The following PAPPA2 variants were observed in gnomAD, a reference collection of about 807,000 sequenced individuals.
PAPPA2 encodes pappalysin-2.
Under a neutral mutation model 176.4 loss-of-function variants are expected in PAPPA2, and 86 were observed. The observed-to-expected ratio is 0.49, with a 90% CI of 0.41 to 0.58. The LOEUF (loss-of-function observed/expected upper bound fraction) is 0.58. PAPPA2 is among the 20% of genes least tolerant of loss of function. The probability of loss-of-function intolerance (pLI) is 0.00; values close to 1 mark genes in which losing one functional copy is unlikely to be tolerated. For missense variants in PAPPA2, 2,073 were observed against 2,256.9 expected (o/e 0.92, Z 1.65); for synonymous variants, 809 against 852.2 (o/e 0.95, Z 0.88).
rs537219226 is a variant in PAPPA2 at position 176,670,278 on chromosome 1, A to G, written c.1992-692A>G. Among the ~76,000 whole-genome samples, 7 of 152,322 alleles carry G rather than the reference A, an allele frequency of 4.6e-5. No homozygotes were observed. The South Asian group carries it at 8.3e-4, about 18-fold the overall frequency. On this transcript the variant is annotated intron_variant, in intron 3 of 22. Coordinates refer to ENST00000367662, the MANE Select transcript of PAPPA2 (RefSeq NM_020318.3). The stretch of plus-strand genomic sequence containing the variant: ...AATAGACCTTTAATTCTGTGCATCA[A>G]TGCAAACATAATATTTCCTAGTGCT...
intron 12 of PAPPA2, among the ~76,000 whole-genome samples, chr1:176,735,724 CTAT>C (rs1662376768): frequency 6.9e-6 from 1 of 145,982 alleles, no homozygotes; most frequent in African/African-American, 2.6e-5. Context: ...ATCTATCTAT[CTAT>C]CTATCTATCT....
Position 176,594,535 on chromosome 1 carries a change from A to G in PAPPA2, c.931A>G (p.Asn311Asp). 6.2e-7 allele frequency: 1 copy of G among 1,613,386 alleles called. No homozygotes were observed. The highest frequency in any genetic ancestry group is 8.5e-7 in the Non-Finnish European group (1 of 1,179,628). The change falls in exon 3 of 23, where the codon AAC (asparagine) becomes GAC (aspartate). Residue 311 changes from asparagine (N) to aspartate (D), a missense_variant. By Grantham distance (23) the Asn-to-Asp change is conservative. Transcript: ENST00000367662. ...TCCTTCTTTCCCAGGTGTGTTTGAT[A>G]ACTGCTCCCACACTGTCAGTGACAA... ...NPAIIAGVFD[N>D]CSHTVSDKGW...
At chr1:176,569,548 G>GAACACAAGCTCATTGAGCTCCA in intron 2 of PAPPA2, among the ~76,000 whole-genome samples, 1 of 152,240 alleles carries the variant, frequency 6.6e-6, no homozygotes, top group East Asian at 1.9e-4. Context: ...CTCATTAATT[G>GAACACAAGCTCATTGAGCTCCA]AACACAAGCT....
intron 20 of PAPPA2, among the ~76,000 whole-genome samples, chr1:176,795,438 T>C (rs1168743598): frequency 6.6e-6 from 1 of 152,222 alleles, no homozygotes; most frequent in African/African-American, 2.4e-5. Context: ...AAAAAGCTTA[T>C]GTTAAGTTGA....
intron 1 of PAPPA2, among the ~76,000 whole-genome samples, chr1:176,534,844 A>C (rs935162819): frequency 7.2e-5 from 11 of 152,144 alleles, no homozygotes; most frequent in African/African-American, 2.7e-4. Context: ...AAGAAGAATG[A>C]AGGAGAAGAA....
intron 3 of PAPPA2, among the ~76,000 whole-genome samples, chr1:176,623,450 A>G (rs1178438795): frequency 6.6e-6 from 1 of 152,162 alleles, no homozygotes; most frequent in East Asian, 1.9e-4. Context: ...AATGCCAGGA[A>G]GCATTAGAGC....
rs1667590973 is a variant in PAPPA2 at position 176,844,413 on chromosome 1, AAT to A, written c.*1961_*1962del. 1 of 152,182 alleles carries A rather than the reference AAT, an allele frequency of 6.6e-6. No individual in the cohort carries two copies. Among genetic ancestry groups the A allele is most frequent in the South Asian group, 2.1e-4 (1 of 4,828 alleles). 9.4% of individuals were successfully genotyped at this position (152,182 alleles called of 1,614,324 possible). A position where few individuals can be genotyped will look rare whatever the true frequency, so the allele number is the denominator to read the frequency against. ...ATATCCTGAAAGAGAATAAAACACG[AAT>A]AAGGTGATGTACCCACATTAATCTG... On this transcript the variant is annotated 3_prime_UTR_variant, in exon 23 of 23. Transcript: ENST00000367662.
At chr1:176,778,086 A>G (rs1664542670) in intron 17 of PAPPA2, among the ~76,000 whole-genome samples, 1 of 152,046 alleles carries the variant, frequency 6.6e-6, no homozygotes, top group Admixed American at 6.6e-5. Flanking sequence ...GAAGACTGGA[A>G]TTGGCATTCG....
intron 9 of PAPPA2, among the ~76,000 whole-genome samples, chr1:176,704,557 C>T (rs1660796217): frequency 6.6e-6 from 1 of 151,990 alleles, no homozygotes; most frequent in African/African-American, 2.4e-5. Flanking sequence ...TAAAATATAC[C>T]AAATGCAACT....
intron 12 of PAPPA2, among the ~76,000 whole-genome samples, chr1:176,716,909 C>T (rs1471224885): frequency 6.6e-6 from 1 of 152,130 alleles, no homozygotes; most frequent in Non-Finnish European, 1.5e-5. Flanking sequence ...CTGCGCCCGG[C>T]CACAACAATT....
chr1:176,829,707 C>T (rs556774152), intron 21 of PAPPA2, among the ~76,000 whole-genome samples: 1 of 152,340 alleles, frequency 6.6e-6, no homozygotes, highest in Admixed American at 6.5e-5. Context: ...GTCTCCTCAT[C>T]CTTTCATCTC....
At chr1:176,564,348 G>A (rs1388039081) in intron 2 of PAPPA2, among the ~76,000 whole-genome samples, 1 of 152,154 alleles carries the variant, frequency 6.6e-6, no homozygotes, top group Non-Finnish European at 1.5e-5. Flanking sequence ...TAGGCTTCTT[G>A]GGCCATGCAG....
intron 3 of PAPPA2, among the ~76,000 whole-genome samples, chr1:176,660,238 G>A (rs148281015): frequency 1.7e-4 from 26 of 151,984 alleles, no homozygotes; most frequent in African/African-American, 5.8e-4. Context: ...CAGGAGAGCC[G>A]TGGAACACTG....
At chr1:176,523,344 A>C (rs1238307214) in intron 1 of PAPPA2, among the ~76,000 whole-genome samples, 2 of 152,106 alleles carry the variant, frequency 1.3e-5, no homozygotes, top group Non-Finnish European at 2.9e-5. Context: ...TGGTAGCTAA[A>C]TTTCCCCTAA....
intron 2 of PAPPA2, among the ~76,000 whole-genome samples, chr1:176,587,842 T>C (rs760853257): frequency 6.6e-6 from 1 of 152,260 alleles, no homozygotes; most frequent in Non-Finnish European, 1.5e-5. Flanking sequence ...CACGTATACC[T>C]ATGTAATAAA....
chr1:176,506,783 C>T (rs1232811239), intron 1 of PAPPA2, among the ~76,000 whole-genome samples: 2 of 151,966 alleles, frequency 1.3e-5, no homozygotes, highest in Non-Finnish European at 2.9e-5. Context: ...AATAGAGAAT[C>T]GTATCATCAG....
chr1:176,692,816 C>CTGA (rs1660178364), intron 6 of PAPPA2, among the ~76,000 whole-genome samples: 1 of 152,088 alleles, frequency 6.6e-6, no homozygotes. Flanking sequence ...GCCTCCTGTG[C>CTGA]CTCCCCCTCT....
chr1:176,570,701 G>A (rs1002006432), intron 2 of PAPPA2, among the ~76,000 whole-genome samples: 2 of 150,268 alleles, frequency 1.3e-5, no homozygotes, highest in East Asian at 4.1e-4. Context: ...CTGGTCCCTG[G>A]CTGAGGTCAG....
chr1:176,624,388 G>A (rs12565327), intron 3 of PAPPA2, among the ~76,000 whole-genome samples: 10,162 of 152,224 alleles, frequency 0.067, 533 homozygotes, highest in East Asian at 0.24. Context: ...GAGAGTGACG[G>A]AACACTAATT....
Sources: allele counts gnomAD v4.1 joint callset (sites outside exome capture counted in the v4.1 genomes callset), GRCh38; gene constraint gnomAD v4.1.1; transcripts MANE v1.5; gene names NCBI Gene and HGNC (gene_info 2026-07-23, HGNC 2026-07-21).